Variants in PSIP1 observed in about 807,000 individuals in gnomAD.
PSIP1 encodes the protein PC4 and SFRS1-interacting protein.
In PSIP1, 19 loss-of-function variants were observed where a neutral mutation model predicts 74.7. That is an observed-to-expected ratio of 0.25 (90% confidence interval 0.18 to 0.37). PSIP1 has a LOEUF of 0.37. PSIP1 is among the 10% of genes least tolerant of loss of function. The pLI is 1.00. For missense variants in PSIP1, 601 were observed against 614.3 expected, an observed-to-expected ratio of 0.98 and a Z score of 0.23; for synonymous variants, 222 against 195.3, an observed-to-expected ratio of 1.14 and a Z score of -1.14.
chr9:15,502,053 C>T (rs1586858163), intron 3 of PSIP1, among the ~76,000 whole-genome samples: 2 of 151,982 alleles, frequency 1.3e-5, no homozygotes, highest in South Asian at 4.1e-4. Context: ...CCCTACTGTG[C>T]ACTGCACATG....
intron 3 of PSIP1, among the ~76,000 whole-genome samples, chr9:15,500,192 C>A (rs949680703): frequency 1.3e-5 from 2 of 152,080 alleles, no homozygotes; most frequent in African/African-American, 2.4e-5. Context: ...TAGGGCTGGG[C>A]GTGGTGGCTC....
chr9:15,507,705 A>G (rs1303290793), intron 2 of PSIP1, among the ~76,000 whole-genome samples: 1 of 152,208 alleles, frequency 6.6e-6, no homozygotes. Context: ...CATAATTTCA[A>G]AAACACTTCA....
chr9:15,475,694 A>C (rs2036046078), intron 8 of PSIP1, among the ~76,000 whole-genome samples: 1 of 152,152 alleles, frequency 6.6e-6, no homozygotes, highest in South Asian at 2.1e-4. Flanking sequence ...TAAGGTCATA[A>C]AAAAGATTAT....
chr9:15,473,910 A>C, intron 9 of PSIP1, 99 bp downstream of exon 9: 1 of 867,260 alleles, frequency 1.2e-6, no homozygotes, highest in Non-Finnish European at 1.6e-6. Flanking sequence ...CAAACAAAAA[A>C]AAAACAAAAA....
chr9:15,474,620 T>A (rs1208314613), intron 8 of PSIP1, among the ~76,000 whole-genome samples: 4 of 152,110 alleles, frequency 2.6e-5, no homozygotes, highest in Non-Finnish European at 5.9e-5. Flanking sequence ...CAATTAAGCA[T>A]GTTTTCAGAC....
chr9:15,505,391 G>A (rs2037539621), intron 3 of PSIP1: 1 of 152,140 alleles, frequency 6.6e-6, no homozygotes, highest in Non-Finnish European at 1.5e-5. Flanking sequence ...TTTCTTTAAA[G>A]TATCCCATGG....
At chr9:15,494,504 G>A (rs2036980584) in intron 3 of PSIP1, among the ~76,000 whole-genome samples, 1 of 134,498 alleles carries the variant, frequency 7.4e-6, no homozygotes, top group Non-Finnish European at 1.5e-5. Context: ...GGCGGAGGTT[G>A]TGGTGAGCCA....
chr9:15,476,820 G>A (rs891202594), intron 8 of PSIP1, among the ~76,000 whole-genome samples: 1 of 152,192 alleles, frequency 6.6e-6, no homozygotes, highest in Non-Finnish European at 1.5e-5. Context: ...GAAAGTAAGT[G>A]AGATGAGGAT....
In PSIP1 at chr9:15,471,386, T is replaced by A. The variant is rs563158099; in HGVS notation, c.977+1246A>T. The A allele has an allele frequency of 4.2e-5, 64 of 1,523,298 alleles. 1 individual carries two copies. In the Middle Eastern group the frequency reaches 5.2e-4, roughly 12 times the overall value. The allele number at this position is 1,523,298 out of a possible 1,614,324, so 94.4% of individuals were successfully genotyped here. A position where few individuals can be genotyped will look rare whatever the true frequency, so the allele number is the denominator to read the frequency against. On this transcript the variant is annotated intron_variant, in intron 10 of 15. Transcript: ENST00000380733. ...AATATTAGAATTTGAGAAAGTTACA[T>A]TGGAGGACATTCAAAAGAAACTGAA... is the stretch of plus-strand genomic sequence containing the variant.
chr9:15,473,720 GC>G (rs2035941848), intron 9 of PSIP1, among the ~76,000 whole-genome samples: 1 of 151,922 alleles, frequency 6.6e-6, no homozygotes, highest in African/African-American at 2.4e-5. Context: ...GACCAAGATT[GC>G]AAAACCTTGT....
chr9:15,469,912 G>GAGA, intron 11 of PSIP1, 26 bp downstream of exon 11: 2 of 1,573,866 alleles, frequency 1.3e-6, no homozygotes, highest in Non-Finnish European at 1.7e-6. Flanking sequence ...ATAATTTTAT[G>GAGA]TATCTTAGAA....
At chr9:15,487,227 G>A (rs2036594090) in intron 4 of PSIP1, among the ~76,000 whole-genome samples, 1 of 151,742 alleles carries the variant, frequency 6.6e-6, no homozygotes, top group Admixed American at 6.6e-5. Flanking sequence ...AGATTATATG[G>A]TGACAAGGCT....
chr9:15,487,058 C>A (rs1471377110), intron 4 of PSIP1, 127 bp from the exon 5 acceptor site: 3 of 527,114 alleles, frequency 5.7e-6, no homozygotes, highest in East Asian at 3.7e-5. Flanking sequence ...GAGGCAGTGG[C>A]GCAATTATGG....
chr9:15,483,948 T>C (rs1037742786), intron 6 of PSIP1, among the ~76,000 whole-genome samples: 3 of 151,798 alleles, frequency 2.0e-5, no homozygotes, highest in African/African-American at 7.3e-5. Flanking sequence ...GCCACCATGG[T>C]GAAACCCCAT....
At chr9:15,506,524 T>A (rs2037594682) in intron 3 of PSIP1, 37 bp downstream of exon 3, 2 of 1,441,626 alleles carry the variant, frequency 1.4e-6, no homozygotes, top group Non-Finnish European at 1.9e-6. Flanking sequence ...CCCTGTTAAA[T>A]TAGCTCTGAT....
intron 6 of PSIP1, among the ~76,000 whole-genome samples, chr9:15,485,351 C>T (rs1178844532): frequency 1.3e-5 from 2 of 152,164 alleles, no homozygotes; most frequent in African/African-American, 4.8e-5. Flanking sequence ...ATCTTGTTAT[C>T]ACACCACTTC....
At chr9:15,502,819 T>C (rs2037409265) in intron 3 of PSIP1, among the ~76,000 whole-genome samples, 1 of 152,200 alleles carries the variant, frequency 6.6e-6, no homozygotes, top group African/African-American at 2.4e-5. Flanking sequence ...GTTTAAAATA[T>C]CTAGTACATG....
rs12346505 is a variant in PSIP1, at chr9:15,484,496, G to T, written c.456+1510C>A. On this transcript the variant is annotated intron_variant, in intron 6 of 15. Coordinates refer to ENST00000380733, the MANE Select transcript of PSIP1 (RefSeq NM_033222.5). ...CACCAGCACTTTGGGAGGCCGAGGT[G>T]GGTGGATCACTTGAGGCCAGGAGTT... is the stretch of plus-strand genomic sequence containing the variant. Among the ~76,000 whole-genome samples, 720 of 151,862 alleles carry T rather than the reference G, an allele frequency of 4.7e-3. 6 individuals are homozygous for T. Among genetic ancestry groups the T allele is most frequent in the African/African-American group, 0.017 (696 of 41,394 alleles).
At chr9:15,500,433 T>C (rs866301934) in intron 3 of PSIP1, among the ~76,000 whole-genome samples, 1 of 151,708 alleles carries the variant, frequency 6.6e-6, no homozygotes, top group African/African-American at 2.4e-5. Flanking sequence ...CCACTGCCAC[T>C]GCACTCCAGC....
Sources: allele counts gnomAD v4.1 joint callset (sites outside exome capture counted in the v4.1 genomes callset), GRCh38; gene constraint gnomAD v4.1.1; transcripts MANE v1.5; gene names NCBI Gene and HGNC (gene_info 2026-07-23, HGNC 2026-07-21).